TBCK: variants seen among roughly 807,000 people sequenced by gnomAD.
TBCK encodes the protein TBC1 domain containing kinase, also known as TBC domain-containing protein kinase-like protein.
TBCK carries 99 observed loss-of-function variants against 113.4 expected under a neutral mutation model. That is an observed-to-expected ratio of 0.87 (90% CI 0.74 to 1.03). The LOEUF (loss-of-function observed/expected upper bound fraction) is 1.03, where lower values mean the gene tolerates loss of function less well. Among genes scored for constraint, TBCK ranks in the 50% least tolerant of loss-of-function variants. TBCK has a pLI of 0.00. For synonymous variants in TBCK, 369 were observed against 370.8 expected (o/e 1.00, Z 0.05); for missense variants, 1,045 against 1,061.3 (o/e 0.98, Z 0.21).
chr4:106,125,257 G>A lies in TBCK; in HGVS notation c.2236-8879C>T, dbSNP rs577409798. ...CCAAAAGAAAGGAAATGAGGATATC[G>A]AAGAAATATGCACTCCCATGTTCAT... On this transcript the variant is annotated intron_variant, in intron 23 of 25. Coordinates refer to ENST00000394708, the MANE Select transcript of TBCK (RefSeq NM_001163435.3). Among the ~76,000 whole-genome samples the A allele has an allele frequency of 7.9e-5, 12 of 152,106 alleles. No homozygotes were observed. In the South Asian group the frequency reaches 2.3e-3, roughly 29 times the overall value.
intron 25 of TBCK, among the ~76,000 whole-genome samples, chr4:106,068,134 C>A (rs1478365485): frequency 1.3e-5 from 2 of 151,804 alleles, no homozygotes; most frequent in Non-Finnish European, 2.9e-5. Flanking sequence ...TTTAGATATT[C>A]AATTTCTTTT....
intron 3 of TBCK, among the ~76,000 whole-genome samples, chr4:106,274,395 T>A (rs1022644319): frequency 2.0e-5 from 3 of 152,122 alleles, no homozygotes; most frequent in Non-Finnish European, 4.4e-5. Context: ...ATGGCAAAAT[T>A]AGTCATAACA....
intron 25 of TBCK, 113 bp downstream of exon 25, chr4:106,095,369 G>T: frequency 3.2e-6 from 3 of 946,368 alleles, no homozygotes; most frequent in Non-Finnish European, 4.5e-6. Flanking sequence ...AATCTTCAAA[G>T]CTCATAGTAT....
At chr4:106,251,209 T>C (rs145269429) in intron 6 of TBCK, 12 of 334,876 alleles carry the variant, frequency 3.6e-5, no homozygotes, top group African/African-American at 2.0e-4. Context: ...AAAATTAAAA[T>C]ATTAACTGTA....
rs1037807419 is a variant in TBCK, at chr4:106,043,583, A to G, written c.*2987T>C. Reference sequence around the variant, plus strand: ...CTAAATGTAAACAAACGATTGCAAAATGATGTAATAAATCTATTATTAGTA... The same window carrying G: ...CTAAATGTAAACAAACGATTGCAAAGTGATGTAATAAATCTATTATTAGTA... On this transcript the variant is annotated 3_prime_UTR_variant, in exon 26 of 26. Transcript: ENST00000394708. The G allele has an allele frequency of 2.6e-5, 4 of 152,242 alleles. No homozygotes were observed. The highest frequency in any genetic ancestry group is 1.5e-5 in the Non-Finnish European group (1 of 68,044). 9.4% of individuals were successfully genotyped at this position (152,242 alleles called of 1,614,324 possible).
At chr4:106,205,587 CAAAAAAAAAAAAAAA>C (rs70941240) in intron 20 of TBCK, among the ~76,000 whole-genome samples, 17 of 64,202 alleles carry the variant, frequency 2.6e-4, no homozygotes, top group Non-Finnish European at 3.4e-4. Flanking sequence ...ACTAAAAATA[CAAAAAAAAAAAAAAA>C]AAAAAAAAAA....
intron 23 of TBCK, among the ~76,000 whole-genome samples, chr4:106,166,386 C>G (rs920057057): frequency 6.6e-6 from 1 of 151,636 alleles, no homozygotes; most frequent in Admixed American, 6.6e-5. Flanking sequence ...GACAAGTTTC[C>G]TCAATTTATG....
intron 25 of TBCK, among the ~76,000 whole-genome samples, chr4:106,086,257 T>C (rs562207431): frequency 7.2e-5 from 11 of 152,064 alleles, no homozygotes; most frequent in Non-Finnish European, 1.2e-4. Context: ...GATATAACCA[T>C]TGATGCCACG....
chr4:106,158,276 G>A (rs1261920697), intron 23 of TBCK, among the ~76,000 whole-genome samples: 5 of 152,162 alleles, frequency 3.3e-5, no homozygotes, highest in African/African-American at 9.7e-5. Context: ...CAGGCCGGGC[G>A]TGGTGGCTCA....
intron 25 of TBCK, among the ~76,000 whole-genome samples, chr4:106,078,969 G>C (rs1290940584): frequency 6.6e-6 from 1 of 152,132 alleles, no homozygotes; most frequent in Non-Finnish European, 1.5e-5. Context: ...TGGGATGCAA[G>C]GTTGGCTTAA....
At chr4:106,301,034 C>T (rs1369193381) in intron 2 of TBCK, among the ~76,000 whole-genome samples, 13 of 152,082 alleles carry the variant, frequency 8.5e-5, no homozygotes, top group African/African-American at 2.4e-4. Flanking sequence ...TGAGCTTCTG[C>T]CCAAGAGTTC....
At chr4:106,205,056 C>A (rs77972396) in intron 20 of TBCK, among the ~76,000 whole-genome samples, 2,765 of 152,058 alleles carry the variant, frequency 0.018, 80 homozygotes, top group African/African-American at 0.061. Context: ...TGAGCCACCG[C>A]GCCCGGCCCA....
intron 23 of TBCK, among the ~76,000 whole-genome samples, chr4:106,122,123 G>A (rs998512510): frequency 7.9e-5 from 12 of 151,964 alleles, no homozygotes; most frequent in Admixed American, 4.6e-4. Context: ...TTGATAGACC[G>A]CTAGCAAGAC....
Position 106,232,888 on chromosome 4 carries a change from G to A in TBCK, c.1639+50C>T, listed in dbSNP as rs138160283. 485 of 1,552,176 alleles carry A rather than the reference G, an allele frequency of 3.1e-4. 2 individuals carry two copies. In the African/African-American group the frequency reaches 4.3e-3, roughly 14 times the overall value. On this transcript the variant is annotated intron_variant, in intron 17 of 25. Transcript: ENST00000394708. The stretch of plus-strand genomic sequence containing the variant: ...TTTAATTTTTTTAAATGTCAGTTAT[G>A]CAACAATTTTCTAATACTCCAGAGG...
intron 20 of TBCK, among the ~76,000 whole-genome samples, chr4:106,208,909 G>C (rs1414195531): frequency 6.6e-6 from 1 of 152,146 alleles, no homozygotes; most frequent in Non-Finnish European, 1.5e-5. Context: ...CCAGACGCCG[G>C]CTCCCAAGGT....
chr4:106,154,462 C>T (rs1748890099), intron 23 of TBCK, among the ~76,000 whole-genome samples: 3 of 152,116 alleles, frequency 2.0e-5, no homozygotes, highest in Admixed American at 1.3e-4. Flanking sequence ...TTGGACATGT[C>T]TCTCCACCCA....
intron 23 of TBCK, among the ~76,000 whole-genome samples, chr4:106,133,037 GA>G (rs1439980619): frequency 2.0e-5 from 3 of 152,184 alleles, no homozygotes. Context: ...AGTTAATGCT[GA>G]AATGAGTTAA....
chr4:106,202,887 T>A (rs1755043424), intron 20 of TBCK, among the ~76,000 whole-genome samples: 1 of 152,118 alleles, frequency 6.6e-6, no homozygotes, highest in South Asian at 2.1e-4. Flanking sequence ...AGAGTAATAT[T>A]TGATTTTTTA....
In TBCK at chr4:106,063,769, G is replaced by C. The variant is rs941560437; in HGVS notation, c.2572-17089C>G. Among the ~76,000 whole-genome samples, 5 of 151,832 alleles carry C rather than the reference G, an allele frequency of 3.3e-5. No homozygotes were observed. The South Asian group carries it at 1.0e-3, about 31-fold the overall frequency. ...GAATAGAATTAGTACCTGATAAAAA[G>C]GACCTGAGAGAGCTTCCTTGCCCCT... is the stretch of plus-strand genomic sequence containing the variant. On this transcript the variant is annotated intron_variant, in intron 25 of 25. Transcript: ENST00000394708.
Sources: gnomAD v4.1 joint callset for allele counts (sites outside exome capture counted in the v4.1 genomes callset) on GRCh38, gnomAD v4.1.1 for gene constraint, MANE v1.5 for transcripts, NCBI Gene and HGNC (gene_info 2026-07-23, HGNC 2026-07-21) for gene names.